The following GATA2 variants were observed in gnomAD, a reference collection of about 807,000 sequenced individuals.
GATA2 encodes the protein GATA binding protein 2, also known as endothelial transcription factor GATA-2.
GATA2 carries 6 observed loss-of-function variants against 35.7 expected under a neutral mutation model. The observed-to-expected ratio is 0.17, with a 90% CI of 0.09 to 0.33. GATA2 has a LOEUF of 0.33. Among genes scored for constraint, GATA2 ranks in the 10% least tolerant of loss-of-function variants. The pLI is 1.00. For synonymous variants in GATA2, 313 were observed against 274.9 expected (o/e 1.14, Z -1.37); for missense variants, 541 against 656.6 (o/e 0.82, Z 1.92).
At position 128,483,495 on chromosome 3, in the gene GATA2, G is replaced by A. The variant is rs538851241; in HGVS notation, c.1017+365C>T. On this transcript the variant is annotated intron_variant, in intron 4 of 5. Coordinates refer to ENST00000341105, the MANE Select transcript of GATA2 (RefSeq NM_032638.5). ...ATTTAAATAAGCACGAGGAGCTTGT[G>A]AGCGGGGCTGTCGGGGAGGGCTGAG... Among the ~76,000 whole-genome samples, 323 of 152,328 alleles carry A rather than the reference G, an allele frequency of 2.1e-3. 2 individuals carry two copies. Among genetic ancestry groups the A allele is most frequent in the African/African-American group, 7.6e-3 (315 of 41,572 alleles).
rs759392299 is a variant in GATA2 at position 128,481,078 on chromosome 3, A to C, written c.1384T>G (p.Ser462Ala). The C allele has an allele frequency of 6.2e-7, 1 of 1,605,446 alleles. No homozygotes were observed. Among genetic ancestry groups the C allele is most frequent in the African/African-American group, 1.3e-5 (1 of 74,708 alleles). The change falls in exon 6 of 6, where the codon TCC becomes GCC. Residue 462 changes from serine (S) to alanine (A), a missense_variant. By Grantham distance (99) the Ser-to-Ala change is moderately conservative (BLOSUM62 1). Around this residue, in one of 5 missense-constraint regions of GATA2, gnomAD observed 95 missense variants for 114.0 expected, o/e 0.83. Coordinates refer to ENST00000341105, the MANE Select transcript of GATA2 (RefSeq NM_032638.5). ...GGGTGGCCGAAGGAGAGGCTGGAGG[A>C]GGGGTGGATGGGCGTCGGAGTGGGC... ...ILPTPTPIHPSSSLSFGHPHP... is the reference protein window; with the variant it reads ...ILPTPTPIHPASSLSFGHPHP...
rs1385585162 is a variant in GATA2 at position 128,483,269 on chromosome 3, C to CT, written c.1017+590dup. ...GAGGCAGGACTGAGCTGAGGAGACT[C>CT]TAAAAACTCGCAGAGTCCGGAAACA... On this transcript the variant is annotated intron_variant, in intron 4 of 5. Coordinates refer to ENST00000341105, the MANE Select transcript of GATA2 (RefSeq NM_032638.5). Among the ~76,000 whole-genome samples, 4 of 152,314 alleles carry CT rather than the reference C, an allele frequency of 2.6e-5. No individual in the cohort carries two copies. In the East Asian group the frequency reaches 5.8e-4, roughly 22 times the overall value.
chr3:128,487,781 C>G (rs1252092220), intron 1 of GATA2: 2 of 152,486 alleles, frequency 1.3e-5, no homozygotes, highest in Non-Finnish European at 2.9e-5. Flanking sequence ...GCCCCGAGGG[C>G]GACGGGCCCA....
chr3:128,486,363 G>C lies in GATA2; in HGVS notation c.235C>G (p.Leu79Val), dbSNP rs1476440293. 3 of 1,599,876 alleles carry C rather than the reference G, an allele frequency of 1.9e-6. No homozygotes were observed. The highest frequency in any genetic ancestry group is 2.5e-6 in the Non-Finnish European group (3 of 1,177,852). The change falls in exon 3 of 6, where the codon CTG becomes GTG. Residue 79 changes from leucine (L) to valine (V), a missense_variant. Transcript: ENST00000341105. ...RVSYSPAHARLTGGQMCRPHL... is the reference protein window; with the variant it reads ...RVSYSPAHARVTGGQMCRPHL... ...GGGCGGCACATCTGGCCTCCGGTCA[G>C]GCGGGCTGCGGGCAAAGAGAGAGAG...
At chr3:128,484,123 G>T (rs1486467797) in intron 3 of GATA2, 118 bp from the exon 4 acceptor site, 3 of 1,310,274 alleles carry the variant, frequency 2.3e-6, no homozygotes, top group Non-Finnish European at 3.1e-6. Flanking sequence ...CACACGGTTG[G>T]CCTGGGCCTG....
intron 1 of GATA2, chr3:128,492,278 G>A (rs1168985258): frequency 2.0e-5 from 3 of 152,248 alleles, no homozygotes; most frequent in East Asian, 3.8e-4. Flanking sequence ...CCAGAACGCC[G>A]TCTACGCCTA....
At chr3:128,484,710 G>C (rs781595015) in intron 3 of GATA2, among the ~76,000 whole-genome samples, 2 of 151,882 alleles carry the variant, frequency 1.3e-5, no homozygotes, top group Non-Finnish European at 2.9e-5. Flanking sequence ...ACAAACAGGA[G>C]AAAGGACCAA....
intron 1 of GATA2, among the ~76,000 whole-genome samples, chr3:128,490,890 A>C (rs2068760697): frequency 6.6e-6 from 1 of 152,124 alleles, no homozygotes; most frequent in Non-Finnish European, 1.5e-5. Flanking sequence ...TCCCTTTTTC[A>C]GTACTTTGTT....
rs1454604612 is a variant in GATA2 at position 128,480,598 on chromosome 3, C to G, written c.*421G>C. The G allele has an allele frequency of 3.7e-6, 1 of 269,784 alleles. No individual in the cohort carries two copies. The highest frequency in any genetic ancestry group is 2.2e-5 in the African/African-American group (1 of 46,322). 16.7% of individuals were successfully genotyped at this position (269,784 alleles called of 1,614,324 possible). On this transcript the variant is annotated 3_prime_UTR_variant, in exon 6 of 6. Coordinates refer to ENST00000341105, the MANE Select transcript of GATA2 (RefSeq NM_032638.5). ...GCCCCCAGAGCCCTGGCAAGTGGAC[C>G]CGCCAATCCCGAGGAAGAACCGGAG...
intron 1 of GATA2, among the ~76,000 whole-genome samples, chr3:128,492,572 T>A (rs2068790720): frequency 6.6e-6 from 1 of 151,926 alleles, no homozygotes; most frequent in East Asian, 1.9e-4. Context: ...GCCTGGGGAT[T>A]GGGGGCGGCC....
At chr3:128,485,508 T>C (rs1286526176) in intron 3 of GATA2, among the ~76,000 whole-genome samples, 2 of 152,112 alleles carry the variant, frequency 1.3e-5, no homozygotes, top group African/African-American at 2.4e-5. Context: ...AACTGAACTT[T>C]GGGGGTACAC....
chr3:128,486,983 G>T lies in GATA2; in HGVS notation c.49C>A (p.Leu17Met), dbSNP rs752025757. 1 of 1,608,548 alleles carries T rather than the reference G, an allele frequency of 6.2e-7. No individual in the cohort carries two copies. ...QPRWMAHPAV[L>M]NAQHPDSHHP... The stretch of plus-strand genomic sequence containing the variant: ...TGTGAGTCGGGGTGCTGCGCATTCA[G>T]CACGGCCGGGTGCGCCATCCAGCGC... Residue 17 changes from leucine (L) to methionine (M), a missense_variant, in exon 2 of 6, where the codon CTG (leucine) becomes ATG (methionine). Transcript: ENST00000341105.
In GATA2 at chr3:128,482,057, C is replaced by T. The variant is rs979545220; in HGVS notation, c.1018-113G>A. On this transcript the variant is annotated intron_variant, in intron 4 of 5. Coordinates refer to ENST00000341105, the MANE Select transcript of GATA2 (RefSeq NM_032638.5). ...CCAGCTCAGTCAAGGAGGGCTAAAT[C>T]TCACATGGGAATCAAAGCATCTCAG... is the stretch of plus-strand genomic sequence containing the variant. 4.5e-6 allele frequency: 6 copies of T among 1,345,608 alleles called. No homozygotes were observed. The Admixed American group carries it at 6.2e-5, about 14-fold the overall frequency. 83.4% of individuals were successfully genotyped at this position (1,345,608 alleles called of 1,614,324 possible).
chr3:128,482,031 A>G, intron 4 of GATA2, 87 bp from the exon 5 acceptor site: 1 of 1,546,948 alleles, frequency 6.5e-7, no homozygotes, highest in Non-Finnish European at 8.8e-7. Context: ...CCCAGTCCCC[A>G]CCAGCTCAGT....
chr3:128,492,496 G>A (rs1418784521), intron 1 of GATA2, among the ~76,000 whole-genome samples: 2 of 152,206 alleles, frequency 1.3e-5, no homozygotes, highest in Non-Finnish European at 2.9e-5. Context: ...AAAAGCCGGC[G>A]CACGGGACCA....
rs745812924 is a variant in GATA2 at position 128,483,375 on chromosome 3, T to A, written c.1017+485A>T. On this transcript the variant is annotated intron_variant, in intron 4 of 5. Transcript: ENST00000341105. ...CAGGAGATCCGAAAGGGCATTTTTT[T>A]AAAATCACTCAAATGAAAATACACA... Among the ~76,000 whole-genome samples the A allele has an allele frequency of 3.3e-5, 5 of 152,208 alleles. No homozygotes were observed. Among genetic ancestry groups the A allele is most frequent in the African/African-American group, 4.8e-5 (2 of 41,454 alleles).
intron 4 of GATA2, among the ~76,000 whole-genome samples, chr3:128,483,073 C>A (rs1030278641): frequency 6.6e-6 from 1 of 152,268 alleles, no homozygotes; most frequent in African/African-American, 2.4e-5. Flanking sequence ...CCTCTACCCC[C>A]ACCCGGGCCT....
Position 128,484,020 on chromosome 3 carries a change from G to A in GATA2, c.872-15C>T. ...CTCCCGGCCTTCTGCAGGGGAACAG[G>A]GAGAGACACGGGGGCCTGCTTAACC... On this transcript the variant is annotated splice_polypyrimidine_tract_variant and intron_variant, in intron 3 of 5. Transcript: ENST00000341105. 6.2e-7 allele frequency: 1 copy of A among 1,611,136 alleles called. No homozygotes were observed. The highest frequency in any genetic ancestry group is 8.5e-7 in the Non-Finnish European group (1 of 1,179,124).
At position 128,493,150 on chromosome 3, in the gene GATA2, CG is replaced by C. The variant is rs2068798646; in HGVS notation, c.-298del. 2 of 151,988 alleles carry C rather than the reference CG, an allele frequency of 1.3e-5. No individual in the cohort carries two copies. Among genetic ancestry groups the C allele is most frequent in the African/African-American group, 2.4e-5 (1 of 41,442 alleles). The allele number at this position is 151,988 out of a possible 1,614,324, so 9.4% of individuals were successfully genotyped here. A position where few individuals can be genotyped will look rare whatever the true frequency, so the allele number is the denominator to read the frequency against. On this transcript the variant is annotated 5_prime_UTR_variant, in exon 1 of 6. Transcript: ENST00000341105. Reference sequence around the variant, plus strand: ...ATAGACAGACTTGAGCAGCGAGTCCCGGGGCGACGCTGGCCTCGCTACCTTC... The same window carrying C: ...ATAGACAGACTTGAGCAGCGAGTCCCGGGCGACGCTGGCCTCGCTACCTTC...
Sources: gnomAD v4.1 joint callset for allele counts (sites outside exome capture counted in the v4.1 genomes callset) on GRCh38, gnomAD v4.1.1 for gene constraint, gnomAD v4.1.1 regional missense constraint, MANE v1.5 for transcripts, NCBI Gene and HGNC (gene_info 2026-07-23, HGNC 2026-07-21) for gene names.